MAGI3: variants seen among roughly 807,000 people sequenced by gnomAD.
MAGI3 encodes membrane associated guanylate kinase, WW and PDZ domain containing 3.
Under a neutral mutation model 121.8 loss-of-function variants are expected in MAGI3, and 43 were observed. The observed-to-expected ratio is 0.35, with a 90% CI of 0.28 to 0.46. The LOEUF is 0.46. Among genes scored for constraint, MAGI3 ranks in the 20% least tolerant of loss-of-function variants. The pLI, the probability that MAGI3 is intolerant of heterozygous loss-of-function variation, is 1.00. For synonymous variants in MAGI3, 553 were observed against 639.3 expected, an observed-to-expected ratio of 0.86 and a Z score of 2.04; for missense variants, 1,547 against 1,797.3, an observed-to-expected ratio of 0.86 and a Z score of 2.52.
At chr1:113,405,477 A>G (rs1303543703) in intron 1 of MAGI3, among the ~76,000 whole-genome samples, 1 of 126,824 alleles carries the variant, frequency 7.9e-6, no homozygotes, top group South Asian at 2.3e-4. Flanking sequence ...ACTGTCTCAA[A>G]AAAAAAAAAA....
At chr1:113,521,563 G>A (rs555928444) in intron 1 of MAGI3, among the ~76,000 whole-genome samples, 15 of 151,558 alleles carry the variant, frequency 9.9e-5, no homozygotes, top group Middle Eastern at 3.4e-3. Flanking sequence ...CCGCCACCAC[G>A]CCCAGCTAAT....
intron 1 of MAGI3, among the ~76,000 whole-genome samples, chr1:113,519,951 A>G (rs1658096403): frequency 6.6e-6 from 1 of 152,254 alleles, no homozygotes; most frequent in Non-Finnish European, 1.5e-5. Context: ...AAGCTTTTCT[A>G]AGGATAGCAT....
chr1:113,580,617 C>T lies in MAGI3; in HGVS notation c.509C>T (p.Ala170Val). The T allele has an allele frequency of 1.2e-6, 2 of 1,611,134 alleles. No homozygotes were observed. Among genetic ancestry groups the T allele is most frequent in the South Asian group, 1.1e-5 (1 of 90,782 alleles). The part of the protein sequence containing the change: ...YNFISVEQFK[A>V]LEESGALLES... ...TTCATTTCCGTTGAACAGTTCAAAG[C>T]ACTGGAAGAGAGTGGAGCATTGTTA... Residue 170 changes from alanine (A) to valine (V), a missense_variant, in exon 3 of 21, where the codon GCA becomes GTA. Transcript: ENST00000307546.
chr1:113,663,952 A>G (rs1379044025), intron 16 of MAGI3, among the ~76,000 whole-genome samples: 2 of 152,214 alleles, frequency 1.3e-5, no homozygotes, highest in African/African-American at 4.8e-5. Context: ...CTGATGAGTA[A>G]TGATGTTGAA....
chr1:113,553,245 C>G (rs1003735856), intron 2 of MAGI3, among the ~76,000 whole-genome samples: 1 of 152,080 alleles, frequency 6.6e-6, no homozygotes, highest in African/African-American at 2.4e-5. Context: ...AGGGAGAGTC[C>G]AGGCAGAGTA....
chr1:113,676,956 T>G (rs1647907181), intron 19 of MAGI3, among the ~76,000 whole-genome samples: 1 of 152,170 alleles, frequency 6.6e-6, no homozygotes, highest in Non-Finnish European at 1.5e-5. Context: ...GTGTGTGTTT[T>G]TATTTTTAAG....
At chr1:113,568,604 A>C (rs1056137152) in intron 2 of MAGI3, among the ~76,000 whole-genome samples, 9 of 152,146 alleles carry the variant, frequency 5.9e-5, no homozygotes, top group African/African-American at 2.4e-5. Context: ...TAATGATACC[A>C]GAATGGTCAG....
chr1:113,637,131 G>T (rs540266030), intron 9 of MAGI3, among the ~76,000 whole-genome samples: 3 of 152,054 alleles, frequency 2.0e-5, no homozygotes, highest in East Asian at 1.9e-4. Flanking sequence ...GTCTCTGCAC[G>T]TGAGATGGGT....
At chr1:113,668,471 T>C (rs552804071) in intron 16 of MAGI3, among the ~76,000 whole-genome samples, 17 of 151,914 alleles carry the variant, frequency 1.1e-4, no homozygotes, top group Admixed American at 7.2e-4. Flanking sequence ...GGAGAAGCCA[T>C]GTAGCACGGG....
At position 113,619,609 on chromosome 1, in the gene MAGI3, A is replaced by G. The variant is rs192795062; in HGVS notation, c.1077-127A>G. 6 of 627,608 alleles carry G rather than the reference A, an allele frequency of 9.6e-6. No homozygotes were observed. In the South Asian group the frequency reaches 1.1e-4, roughly 11 times the overall value. 38.9% of individuals were successfully genotyped at this position (627,608 alleles called of 1,614,324 possible). A position where few individuals can be genotyped will look rare whatever the true frequency, so the allele number is the denominator to read the frequency against. ...TCTGCTATCATCTATCAGTCTCTCC[A>G]TGTTCCATAGCCTAAAGATACATAT... On this transcript the variant is annotated intron_variant, in intron 7 of 20. Coordinates refer to ENST00000307546, the MANE Select transcript of MAGI3 (RefSeq NM_001142782.2).
At chr1:113,410,351 T>A (rs2101330339) in intron 1 of MAGI3, among the ~76,000 whole-genome samples, 1 of 152,196 alleles carries the variant, frequency 6.6e-6, no homozygotes, top group South Asian at 2.1e-4. Context: ...TATTCAAAAG[T>A]TCCATAAAGA....
intron 1 of MAGI3, among the ~76,000 whole-genome samples, chr1:113,549,245 C>T (rs1161757908): frequency 6.6e-6 from 1 of 152,134 alleles, no homozygotes; most frequent in African/African-American, 2.4e-5. Flanking sequence ...AATGAAATTA[C>T]TCTGAATATT....
intron 1 of MAGI3, among the ~76,000 whole-genome samples, chr1:113,486,895 G>T (rs1407886390): frequency 6.6e-6 from 1 of 151,956 alleles, no homozygotes; most frequent in East Asian, 1.9e-4. Context: ...TTTGTGTGTG[G>T]CAACAGGGTC....
At chr1:113,623,039 C>T in intron 9 of MAGI3, 45 bp downstream of exon 9, 1 of 1,269,804 alleles carries the variant, frequency 7.9e-7, no homozygotes, top group Non-Finnish European at 1.0e-6. Context: ...GATACTATAA[C>T]AAAAATTATA....
Position 113,672,645 on chromosome 1 carries a change from T to C in MAGI3, c.2949T>C (p.Asp983=). The C allele has an allele frequency of 1.2e-6, 2 of 1,613,846 alleles. No homozygotes were observed. Among genetic ancestry groups the C allele is most frequent in the Non-Finnish European group, 8.5e-7 (1 of 1,179,870 alleles). The change falls in exon 18 of 21, where the codon GAT becomes GAC. Residue 983 remains aspartate (D), a synonymous_variant. Coordinates refer to ENST00000307546, the MANE Select transcript of MAGI3 (RefSeq NM_001142782.2). The stretch of plus-strand genomic sequence containing the variant: ...CCCTAGAAGGTGAAATTGGAAAAGA[T>C]GTCTCCACTTCTTACAGACATTCTT... The part of the protein sequence containing the change: ...RSALEGEIGK[D]VSTSYRHSWS...
intron 4 of MAGI3, among the ~76,000 whole-genome samples, chr1:113,589,364 A>G (rs911416278): frequency 2.0e-5 from 3 of 152,144 alleles, no homozygotes; most frequent in African/African-American, 7.2e-5. Flanking sequence ...ATGAATTTAA[A>G]GTAAACTTGT....
chr1:113,536,159 TAAA>T (rs71090707), intron 1 of MAGI3, among the ~76,000 whole-genome samples: 22 of 147,664 alleles, frequency 1.5e-4, no homozygotes, highest in South Asian at 6.4e-4. Flanking sequence ...TTTTTTTTTT[TAAA>T]AAAATTTGAT....
Position 113,658,673 on chromosome 1 carries a change from C to A in MAGI3, c.2630-407C>A, listed in dbSNP as rs535721567. On this transcript the variant is annotated intron_variant, in intron 15 of 20. Coordinates refer to ENST00000307546, the MANE Select transcript of MAGI3 (RefSeq NM_001142782.2). This position sits in a 1 kb window ranked among gnomAD's most constrained non-coding sequence, Gnocchi z 4.0. ...TTAACAGAAGCAAAGATAATCTTAT[C>A]GTAGCAGTTTTTAAAATAGCTAAAA... Among the ~76,000 whole-genome samples, 1 of 152,148 alleles carries A rather than the reference C, an allele frequency of 6.6e-6. No individual in the cohort carries two copies. The highest frequency in any genetic ancestry group is 2.4e-5 in the African/African-American group (1 of 41,428).
intron 9 of MAGI3, among the ~76,000 whole-genome samples, chr1:113,638,689 C>G (rs1557866829): frequency 6.6e-6 from 1 of 152,202 alleles, no homozygotes; most frequent in Non-Finnish European, 1.5e-5. Context: ...GGGTCAGGGA[C>G]CCACTTGAGG....
Sources: allele counts gnomAD v4.1 joint callset (sites outside exome capture counted in the v4.1 genomes callset), GRCh38; gene constraint gnomAD v4.1.1; non-coding constraint Gnocchi (gnomAD v3.1); transcripts MANE v1.5; gene names NCBI Gene and HGNC (gene_info 2026-07-23, HGNC 2026-07-21).